Variants in TEKT5 observed in about 807,000 individuals in gnomAD.
The protein encoded by TEKT5 is tektin 5, also known as tektin-5.
Under a neutral mutation model 48.7 loss-of-function variants are expected in TEKT5, and 52 were observed. The ratio of observed to expected loss-of-function variants is 1.07; its 90% confidence interval spans 0.86 to 1.35. The LOEUF (loss-of-function observed/expected upper bound fraction) is 1.35, where lower values mean the gene tolerates loss of function less well. TEKT5 is among the 40% of genes most tolerant of loss of function. The probability of loss-of-function intolerance (pLI) is 0.00; values close to 1 mark genes in which losing one functional copy is unlikely to be tolerated. For missense variants in TEKT5, 831 were observed against 641.6 expected (o/e 1.30, Z -3.19); for synonymous variants, 318 against 267.6 (o/e 1.19, Z -1.84).
At chr16:10,675,540 G>A (rs1163956651) in intron 5 of TEKT5, among the ~76,000 whole-genome samples, 1 of 152,174 alleles carries the variant, frequency 6.6e-6, no homozygotes, top group Non-Finnish European at 1.5e-5. Flanking sequence ...GACTGTTACG[G>A]TACCGTTCAG....
chr16:10,653,984 T>TTGTGTGTGTGTGAACG (rs1020584297), intron 5 of TEKT5, among the ~76,000 whole-genome samples: 1 of 151,570 alleles, frequency 6.6e-6, no homozygotes, highest in Non-Finnish European at 1.5e-5. Context: ...CTAAGTAAAA[T>TTGTGTGTGTGTGAACG]TGTGTGTGTG....
chr16:10,640,188 A>T lies in TEKT5; in HGVS notation c.1087-4270T>A, dbSNP rs573241624. Among the ~76,000 whole-genome samples, 98 of 129,154 alleles carry T rather than the reference A, an allele frequency of 7.6e-4. 1 individual carries two copies. Among genetic ancestry groups the T allele is most frequent in the African/African-American group, 2.8e-3 (92 of 32,570 alleles). The allele number at this position is 129,154 out of a possible 152,430, so 84.7% of individuals were successfully genotyped here. A position where few individuals can be genotyped will look rare whatever the true frequency, so the allele number is the denominator to read the frequency against. On this transcript the variant is annotated intron_variant, in intron 5 of 6. Transcript: ENST00000283025. ...GTGTGACAGGGTCTCTGTTGCTCAGATTGAAGAGCAGTGGCAGGATCATGG... is the reference window on the plus strand; with the variant it reads ...GTGTGACAGGGTCTCTGTTGCTCAGTTTGAAGAGCAGTGGCAGGATCATGG...
chr16:10,691,406 G>A (rs1185465722), intron 1 of TEKT5: 1 of 152,488 alleles, frequency 6.6e-6, no homozygotes, highest in African/African-American at 2.4e-5. Flanking sequence ...TGAGGTGAGT[G>A]GGTGAGGAGT....
rs146236640 is a variant in TEKT5 at position 10,677,357 on chromosome 16, C to T, written c.864-1176G>A. ...GAATGTGATGGCTCATGGCTGTAAT[C>T]CCAGCACTTTGGGAGCCCGAGGCGG... On this transcript the variant is annotated intron_variant, in intron 4 of 6. Transcript: ENST00000283025. 9.1e-3 allele frequency among the ~76,000 whole-genome samples: 1,341 copies of T among 147,468 alleles called. 238 individuals are homozygous for T. Among genetic ancestry groups the T allele is most frequent in the African/African-American group, 0.033 (1,258 of 37,638 alleles).
Position 10,694,310 on chromosome 16 carries a change from C to T in TEKT5, c.564G>A (p.Gln188=), listed in dbSNP as rs776697038. 2.5e-6 allele frequency: 4 copies of T among 1,587,846 alleles called. No homozygotes were observed. The South Asian group carries it at 3.5e-5, about 14-fold the overall frequency. The stretch of plus-strand genomic sequence containing the variant: ...GCCCTGTCCCCACCCCTGTACTCAC[C>T]TGCAATGGGCAGTTCACCTCATTGG... ...CAANEVNCPL[Q]VALECLYHRE... The change falls in exon 1 of 7, where the codon CAG becomes CAA. Residue 188 remains glutamine, a splice_region_variant and synonymous_variant. Transcript: ENST00000283025.
At chr16:10,681,511 G>A (rs536922210) in intron 4 of TEKT5, among the ~76,000 whole-genome samples, 4 of 152,094 alleles carry the variant, frequency 2.6e-5, no homozygotes, top group South Asian at 2.1e-4. Context: ...CAAGCCTGGC[G>A]AAGCAAGAAT....
intron 5 of TEKT5, among the ~76,000 whole-genome samples, chr16:10,651,050 G>T (rs8057438): frequency 6.6e-6 from 1 of 152,024 alleles, no homozygotes; most frequent in Admixed American, 6.5e-5. Flanking sequence ...GCTGGAGACA[G>T]AGCAGCCTGA....
chr16:10,656,414 G>A (rs1412079268), intron 5 of TEKT5, among the ~76,000 whole-genome samples: 14 of 152,078 alleles, frequency 9.2e-5, no homozygotes, highest in Non-Finnish European at 1.5e-5. Flanking sequence ...ACCACACCCA[G>A]CTAATTATTT....
intron 5 of TEKT5, among the ~76,000 whole-genome samples, chr16:10,645,342 T>A (rs1898054179): frequency 6.6e-6 from 1 of 151,848 alleles, no homozygotes. Context: ...AAAACCCATC[T>A]CTACAAAAAA....
intron 6 of TEKT5, among the ~76,000 whole-genome samples, chr16:10,630,732 AT>A (rs1897827016): frequency 6.6e-6 from 1 of 152,162 alleles, no homozygotes. Flanking sequence ...TAAAACTTAA[AT>A]TTTGGCTAGG....
intron 1 of TEKT5, chr16:10,690,828 A>G (rs1476260459): frequency 2.1e-6 from 2 of 963,554 alleles, no homozygotes; most frequent in East Asian, 2.3e-4. Context: ...AGGGCCCAGG[A>G]GCAGAAGGAA....
intron 3 of TEKT5, among the ~76,000 whole-genome samples, chr16:10,688,726 G>A (rs1285438599): frequency 3.9e-5 from 6 of 152,218 alleles, no homozygotes; most frequent in African/African-American, 9.6e-5. Flanking sequence ...CAGGCTTGTC[G>A]GGATACTGGT....
chr16:10,644,924 G>C (rs1350267853), intron 5 of TEKT5, among the ~76,000 whole-genome samples: 1 of 152,190 alleles, frequency 6.6e-6, no homozygotes, highest in Non-Finnish European at 1.5e-5. Context: ...AGGCGATTAG[G>C]TGATGAGGTG....
At position 10,684,395 on chromosome 16, in the gene TEKT5, CT is replaced by C. The variant is rs921465373; in HGVS notation, c.720-2260del. Among the ~76,000 whole-genome samples, 809 of 141,622 alleles carry C rather than the reference CT, an allele frequency of 5.7e-3. 2 individuals are homozygous for C. The highest frequency in any genetic ancestry group is 7.2e-3 in the Middle Eastern group (2 of 276). The allele number at this position is 141,622 out of a possible 152,430, so 92.9% of individuals were successfully genotyped here. On this transcript the variant is annotated intron_variant, in intron 3 of 6. Transcript: ENST00000283025. ...GGGTCTCTCCCTCCCTCCCCTCCAT[CT>C]TTTTTTTTTTTTTTCCTGCTGTGGA...
intron 1 of TEKT5, chr16:10,690,895 G>T (rs1898961799): frequency 7.8e-6 from 5 of 641,926 alleles, no homozygotes; most frequent in Non-Finnish European, 9.7e-6. Context: ...CTCAGAAATG[G>T]GAGGGGGTCA....
At chr16:10,637,396 G>A (rs1897930900) in intron 5 of TEKT5, among the ~76,000 whole-genome samples, 1 of 149,646 alleles carries the variant, frequency 6.7e-6, no homozygotes, top group Non-Finnish European at 1.5e-5. Flanking sequence ...AGTGAATAAA[G>A]AAGGAAGAAG....
intron 5 of TEKT5, among the ~76,000 whole-genome samples, chr16:10,671,328 C>T (rs918412513): frequency 6.6e-6 from 1 of 152,164 alleles, no homozygotes; most frequent in Non-Finnish European, 1.5e-5. Flanking sequence ...ATTTGATCCA[C>T]CGTATGAGAT....
At chr16:10,644,136 T>C (rs932170589) in intron 5 of TEKT5, among the ~76,000 whole-genome samples, 4 of 152,242 alleles carry the variant, frequency 2.6e-5, no homozygotes, top group Non-Finnish European at 4.4e-5. Flanking sequence ...GGGCTTGCAC[T>C]GTATTTCTAA....
At chr16:10,675,468 C>T (rs1381367598) in intron 5 of TEKT5, among the ~76,000 whole-genome samples, 1 of 152,182 alleles carries the variant, frequency 6.6e-6, no homozygotes, top group Non-Finnish European at 1.5e-5. Context: ...ACGACAGAAT[C>T]GGGCAGTGCT....
Sources: allele counts gnomAD v4.1 joint callset (sites outside exome capture counted in the v4.1 genomes callset), GRCh38; gene constraint gnomAD v4.1.1; transcripts MANE v1.5; gene names NCBI Gene and HGNC (gene_info 2026-07-23, HGNC 2026-07-21).